Variants in ANKS1B observed in about 807,000 individuals in gnomAD.
ANKS1B encodes ankyrin repeat and sterile alpha motif domain containing 1B, also known as ankyrin repeat and sterile alpha motif domain-containing protein 1B.
A neutral mutation model predicts 148.3 loss-of-function variants in ANKS1B; 36 were observed. That is an observed-to-expected ratio of 0.24 (90% CI 0.19 to 0.32). The LOEUF is 0.32. Among genes scored for constraint, ANKS1B ranks in the 10% least tolerant of loss-of-function variants. The pLI is 1.00. For synonymous variants in ANKS1B, 542 were observed against 560.8 expected (o/e 0.97, Z 0.47); for missense variants, 1,157 against 1,542.6 (o/e 0.75, Z 4.19).
intron 22 of ANKS1B, among the ~76,000 whole-genome samples, chr12:98,786,332 T>C (rs2098794543): frequency 6.6e-6 from 1 of 152,202 alleles, no homozygotes; most frequent in South Asian, 2.1e-4. Flanking sequence ...ATATTGTCTA[T>C]AACCATTAAA....
At chr12:98,998,169 C>T (rs561222737) in intron 17 of ANKS1B, among the ~76,000 whole-genome samples, 1 of 152,262 alleles carries the variant, frequency 6.6e-6, no homozygotes, top group East Asian at 1.9e-4. Flanking sequence ...ACCCAGACTG[C>T]TTTGGGGGAA....
intron 10 of ANKS1B, among the ~76,000 whole-genome samples, chr12:99,448,260 T>C (rs2095668823): frequency 6.6e-6 from 1 of 152,112 alleles, no homozygotes; most frequent in African/African-American, 2.4e-5. Flanking sequence ...AGTGGAATAC[T>C]ATGCTGCCTT....
At chr12:99,841,656 C>T (rs911626045) in intron 1 of ANKS1B, among the ~76,000 whole-genome samples, 1 of 151,926 alleles carries the variant, frequency 6.6e-6, no homozygotes, top group African/African-American at 2.4e-5. Flanking sequence ...TAATAAAATT[C>T]CAGTGTCTTC....
intron 14 of ANKS1B, among the ~76,000 whole-genome samples, chr12:99,173,454 A>G (rs768548035): frequency 9.9e-5 from 15 of 152,120 alleles, no homozygotes; most frequent in Non-Finnish European, 1.9e-4. Context: ...TTCTGTGTGT[A>G]TTTTTCACAC....
chr12:99,336,808 A>G (rs2088981857), intron 12 of ANKS1B, among the ~76,000 whole-genome samples: 1 of 146,792 alleles, frequency 6.8e-6, no homozygotes, highest in South Asian at 2.1e-4. Context: ...TTCCTTCAGC[A>G]CTTTAAATAT....
intron 15 of ANKS1B, among the ~76,000 whole-genome samples, chr12:99,138,289 A>G (rs890343843): frequency 4.6e-5 from 7 of 152,238 alleles, no homozygotes; most frequent in African/African-American, 1.7e-4. Context: ...TTTAAGAAGC[A>G]GAAGCTCTAA....
intron 1 of ANKS1B, among the ~76,000 whole-genome samples, chr12:99,846,056 TTTTG>T (rs771270910): frequency 3.9e-5 from 6 of 152,308 alleles, no homozygotes; most frequent in Non-Finnish European, 5.9e-5. Flanking sequence ...TCTGCTCTCC[TTTTG>T]TTTAACTTAA....
chr12:99,785,311 A>G (rs2064898073), intron 4 of ANKS1B, among the ~76,000 whole-genome samples: 1 of 151,388 alleles, frequency 6.6e-6, no homozygotes, highest in African/African-American at 2.4e-5. Flanking sequence ...TTTCAATTGA[A>G]TAGTGTCAAG....
At chr12:98,918,900 ATTT>A (rs2099797813) in intron 17 of ANKS1B, among the ~76,000 whole-genome samples, 1 of 152,162 alleles carries the variant, frequency 6.6e-6, no homozygotes, top group South Asian at 2.1e-4. Flanking sequence ...CTATAAGGCC[ATTT>A]ATAATGCTCT....
chr12:99,796,483 T>C (rs901998768), intron 4 of ANKS1B, among the ~76,000 whole-genome samples: 3 of 151,936 alleles, frequency 2.0e-5, no homozygotes, highest in African/African-American at 7.2e-5. Context: ...AATCTCTTTC[T>C]GGAAAAAGCA....
chr12:99,756,677 T>C lies in ANKS1B; in HGVS notation c.1128+16245A>G, dbSNP rs2061599341. Among the ~76,000 whole-genome samples the C allele has an allele frequency of 3.3e-5, 5 of 152,042 alleles. No individual in the cohort carries two copies. The South Asian group carries it at 1.0e-3, about 31-fold the overall frequency. On this transcript the variant is annotated intron_variant, in intron 8 of 26. Transcript: ENST00000683438. ...CATCATGCTACCCAATTTCAAACTA[T>C]ACTATGGGGCTACAGCAACCAAAAC...
intron 14 of ANKS1B, among the ~76,000 whole-genome samples, chr12:99,178,319 C>T (rs185856756): frequency 2.0e-4 from 30 of 152,284 alleles, no homozygotes; most frequent in African/African-American, 4.3e-4. Flanking sequence ...CTTTTTACCA[C>T]GAAGCAGAGA....
intron 1 of ANKS1B, among the ~76,000 whole-genome samples, chr12:99,895,426 CGT>C (rs3054221): frequency 2.0e-5 from 3 of 148,990 alleles, no homozygotes; most frequent in African/African-American, 2.4e-5. Context: ...ACCCCCAACC[CGT>C]GTGTGTGTGT....
intron 12 of ANKS1B, among the ~76,000 whole-genome samples, chr12:99,294,657 C>G (rs1414729305): frequency 6.6e-6 from 1 of 151,460 alleles, no homozygotes; most frequent in Non-Finnish European, 1.5e-5. Flanking sequence ...AATTATTGCA[C>G]TTCTTTTTTT....
intron 12 of ANKS1B, among the ~76,000 whole-genome samples, chr12:99,317,568 G>C (rs2084374038): frequency 1.3e-5 from 2 of 152,170 alleles, no homozygotes; most frequent in South Asian, 4.1e-4. Context: ...TTTGGGCTGA[G>C]ACAATGGGGT....
intron 1 of ANKS1B, among the ~76,000 whole-genome samples, chr12:99,893,339 A>G (rs1055477554): frequency 2.0e-5 from 3 of 150,514 alleles, no homozygotes; most frequent in Non-Finnish European, 4.4e-5. Flanking sequence ...TGAACCCAGG[A>G]GGCAGAGCTT....
rs551501327 is a variant in ANKS1B at position 99,533,980 on chromosome 12, G to A, written c.1273-29339C>T. Among the ~76,000 whole-genome samples the A allele has an allele frequency of 2.6e-5, 4 of 152,158 alleles. No homozygotes were observed. In the South Asian group the frequency reaches 8.3e-4, roughly 32 times the overall value. On this transcript the variant is annotated intron_variant, in intron 9 of 26. Transcript: ENST00000683438. Reference sequence around the variant, plus strand: ...GGCCTCCCAAAACCTTCCAATCCCTGTGCTATTTTAACAGAAACATTAATT... The same window carrying A: ...GGCCTCCCAAAACCTTCCAATCCCTATGCTATTTTAACAGAAACATTAATT...
intron 25 of ANKS1B, among the ~76,000 whole-genome samples, chr12:98,771,063 T>C (rs571371965): frequency 1.6e-4 from 24 of 152,336 alleles, no homozygotes; most frequent in African/African-American, 5.1e-4. Context: ...TTATTTCCTT[T>C]AATTGTTTCC....
chr12:98,740,078 A>AG (rs1457454158), downstream of ANKS1B, among the ~76,000 whole-genome samples: 1 of 152,104 alleles, frequency 6.6e-6, no homozygotes, highest in East Asian at 1.9e-4. Context: ...ACTGGGAATG[A>AG]GGGGAGAAAA....
Sources: gnomAD v4.1 joint callset for allele counts (sites outside exome capture counted in the v4.1 genomes callset) on GRCh38, gnomAD v4.1.1 for gene constraint, MANE v1.5 for transcripts, NCBI Gene and HGNC (gene_info 2026-07-23, HGNC 2026-07-21) for gene names.